The following IGDCC3 variants were observed in gnomAD, a reference collection of about 807,000 sequenced individuals.
IGDCC3 encodes the protein putative neuronal cell adhesion molecule.
In IGDCC3, 47 loss-of-function variants were observed where a neutral mutation model predicts 72.0. The observed-to-expected ratio is 0.65, with a 90% CI of 0.52 to 0.83. The LOEUF is 0.83. Among genes scored for constraint, IGDCC3 ranks in the 40% least tolerant of loss-of-function variants. The pLI is 0.00. For synonymous variants in IGDCC3, 477 were observed against 472.8 expected, an observed-to-expected ratio of 1.01 and a Z score of -0.11; for missense variants, 1,038 against 1,091.3, an observed-to-expected ratio of 0.95 and a Z score of 0.69.
intron 2 of IGDCC3, among the ~76,000 whole-genome samples, chr15:65,358,103 TA>T (rs1198575863): frequency 3.2e-5 from 4 of 125,396 alleles, no homozygotes; most frequent in South Asian, 2.3e-4. Context: ...ATCCAAGACA[TA>T]TTTTTTTTTT....
At chr15:65,375,588 C>T (rs975989488) in intron 1 of IGDCC3, among the ~76,000 whole-genome samples, 186 bp from the exon 2 acceptor site, 5 of 152,202 alleles carry the variant, frequency 3.3e-5, no homozygotes, top group African/African-American at 1.2e-4. Context: ...CCATCCAAGG[C>T]GGTACTTTAC....
At chr15:65,356,461 C>G (rs1296924985) in intron 2 of IGDCC3, 1 of 152,112 alleles carries the variant, frequency 6.6e-6, no homozygotes, top group East Asian at 1.9e-4. Flanking sequence ...CCGAGATGCT[C>G]CTGGAAGCCA....
At chr15:65,353,540 G>A (rs2091188971) in intron 2 of IGDCC3, among the ~76,000 whole-genome samples, 1 of 152,094 alleles carries the variant, frequency 6.6e-6, no homozygotes, top group Non-Finnish European at 1.5e-5. Context: ...GTGAGCCACC[G>A]TGCCCGGCCT....
At chr15:65,355,552 G>A (rs1027922120) in intron 2 of IGDCC3, among the ~76,000 whole-genome samples, 2 of 149,758 alleles carry the variant, frequency 1.3e-5, no homozygotes, top group African/African-American at 4.8e-5. Flanking sequence ...CGGCGGCCGG[G>A]CCCGAGGCGG....
intron 2 of IGDCC3, among the ~76,000 whole-genome samples, chr15:65,348,172 A>G (rs1481578741): frequency 1.3e-5 from 2 of 152,182 alleles, no homozygotes; most frequent in African/African-American, 2.4e-5. Flanking sequence ...CCCCTTGTTT[A>G]GCATATCATC....
chr15:65,342,115 G>A (rs1427199798), intron 2 of IGDCC3, among the ~76,000 whole-genome samples: 1 of 151,882 alleles, frequency 6.6e-6, no homozygotes, highest in South Asian at 2.1e-4. Context: ...AGCCAGGCGC[G>A]GTGGCTCATG....
chr15:65,346,214 T>G (rs2091122585), intron 2 of IGDCC3, among the ~76,000 whole-genome samples: 1 of 152,206 alleles, frequency 6.6e-6, no homozygotes, highest in Non-Finnish European at 1.5e-5. Flanking sequence ...TGGCTCCTAA[T>G]TTCTATTAAT....
rs376092399 is a variant in IGDCC3 at position 65,329,715 on chromosome 15, C to T, written c.1997+11G>A. ...CACCAGCCCAGCCCCTCTCCCTGGC[C>T]CAGGACCCACCTGCCCCTTTGGCCG... On this transcript the variant is annotated intron_variant, in intron 12 of 13. Coordinates refer to ENST00000327987, the MANE Select transcript of IGDCC3 (RefSeq NM_004884.4). The surrounding 1 kb of genome is among the most constrained non-coding windows in gnomAD (Gnocchi z 4.1). 628 of 1,613,870 alleles carry T rather than the reference C, an allele frequency of 3.9e-4. No individual in the cohort carries two copies. Among genetic ancestry groups the T allele is most frequent in the Non-Finnish European group, 4.9e-4 (581 of 1,179,982 alleles).
intron 2 of IGDCC3, among the ~76,000 whole-genome samples, chr15:65,355,493 G>GGGGCGGC (rs2091210286): frequency 6.6e-6 from 1 of 150,676 alleles, no homozygotes; most frequent in South Asian, 2.1e-4. Context: ...GGGCGCGGCA[G>GGGGCGGC]GGGCGGCGGG....
At chr15:65,343,283 T>C (rs2091098122) in intron 2 of IGDCC3, among the ~76,000 whole-genome samples, 1 of 152,102 alleles carries the variant, frequency 6.6e-6, no homozygotes. Flanking sequence ...GAAATGGTCG[T>C]GTCTCTTCTC....
At position 65,375,324 on chromosome 15, in the gene IGDCC3, A is replaced by G; in HGVS notation, c.182T>C (p.Leu61Pro). The G allele has an allele frequency of 6.2e-7, 1 of 1,614,020 alleles. No individual in the cohort carries two copies. The highest frequency in any genetic ancestry group is 8.5e-7 in the Non-Finnish European group (1 of 1,179,926). ...DVAVPGQPIV[L>P]DCRVEGTPPV... ...AGGGGTCCCCTCCACCCTGCAGTCCAGCACTATAGGCTGCCCGGGGACGGC... is the reference window on the plus strand; with the variant it reads ...AGGGGTCCCCTCCACCCTGCAGTCCGGCACTATAGGCTGCCCGGGGACGGC... Residue 61 changes from leucine to proline, a missense_variant, in exon 2 of 14, where the codon CTG (leucine) becomes CCG (proline). By Grantham distance (98) the Leu-to-Pro change is moderately conservative (BLOSUM62 -3). Coordinates refer to ENST00000327987, the MANE Select transcript of IGDCC3 (RefSeq NM_004884.4).
chr15:65,343,982 C>T (rs528884927), intron 2 of IGDCC3, among the ~76,000 whole-genome samples: 1 of 152,166 alleles, frequency 6.6e-6, no homozygotes, highest in African/African-American at 2.4e-5. Context: ...TCTGGATCCC[C>T]ACTTAGCCCC....
At chr15:65,332,885 CAGGT>C (rs1402603044) in intron 6 of IGDCC3, among the ~76,000 whole-genome samples, 1 of 152,190 alleles carries the variant, frequency 6.6e-6, no homozygotes, top group Non-Finnish European at 1.5e-5. Context: ...CACAGGCAGG[CAGGT>C]GTGAGCGTGG....
Position 65,328,394 on chromosome 15 carries a change from T to TGGGGTAAG in IGDCC3, c.*507_*514dup, listed in dbSNP as rs2090940914. On this transcript the variant is annotated 3_prime_UTR_variant, in exon 14 of 14. Coordinates refer to ENST00000327987, the MANE Select transcript of IGDCC3 (RefSeq NM_004884.4). ...GAGGTAGGAGTGCATTCGGGCTCTGTGGGGTAAGGGGGCTGAGGCCACCGC... is the reference window on the plus strand; with the variant it reads ...GAGGTAGGAGTGCATTCGGGCTCTGTGGGGTAAGGGGGTAAGGGGGCTGAGGCCACCGC... The TGGGGTAAG allele has an allele frequency of 6.8e-6, 1 of 146,434 alleles. No homozygotes were observed. The highest frequency in any genetic ancestry group is 2.6e-5 in the African/African-American group (1 of 39,126). 9.1% of individuals were successfully genotyped at this position (146,434 alleles called of 1,614,324 possible). A position where few individuals can be genotyped will look rare whatever the true frequency, so the allele number is the denominator to read the frequency against.
intron 2 of IGDCC3, among the ~76,000 whole-genome samples, chr15:65,359,139 C>A (rs1165875550): frequency 6.6e-6 from 1 of 152,188 alleles, no homozygotes; most frequent in Admixed American, 6.5e-5. Context: ...TTTAAATGAT[C>A]TCTTCCTTTC....
intron 2 of IGDCC3, among the ~76,000 whole-genome samples, chr15:65,351,351 G>A (rs571497449): frequency 8.5e-4 from 130 of 152,278 alleles, no homozygotes; most frequent in African/African-American, 2.9e-3. Flanking sequence ...TGGCTAACAC[G>A]GTGAAACTCC....
At chr15:65,344,931 A>G (rs750794709) in intron 2 of IGDCC3, among the ~76,000 whole-genome samples, 32 of 152,056 alleles carry the variant, frequency 2.1e-4, no homozygotes, top group Non-Finnish European at 3.8e-4. Flanking sequence ...GGGAGGAGGG[A>G]AAGGGAGAAA....
intron 2 of IGDCC3, among the ~76,000 whole-genome samples, chr15:65,355,238 G>A (rs1046663825): frequency 2.1e-4 from 32 of 152,310 alleles, no homozygotes; most frequent in African/African-American, 5.8e-4. Flanking sequence ...CGAGCCTGGG[G>A]CCCCGAGAGC....
chr15:65,368,880 G>GA (rs1376695132), intron 2 of IGDCC3, among the ~76,000 whole-genome samples: 1 of 152,190 alleles, frequency 6.6e-6, no homozygotes, highest in Non-Finnish European at 1.5e-5. Context: ...GAGAAGCAGA[G>GA]AGAGAAACAG....
Sources: gnomAD v4.1 joint callset for allele counts (sites outside exome capture counted in the v4.1 genomes callset) on GRCh38, gnomAD v4.1.1 for gene constraint, Gnocchi (gnomAD v3.1) non-coding constraint, MANE v1.5 for transcripts, NCBI Gene and HGNC (gene_info 2026-07-23, HGNC 2026-07-21) for gene names.